RFX3: variants seen among roughly 807,000 people sequenced by gnomAD.
The protein encoded by RFX3 is regulatory factor X3.
RFX3 carries 14 observed loss-of-function variants against 98.6 expected under a neutral mutation model. The observed-to-expected ratio is 0.14, with a 90% CI of 0.09 to 0.22. The LOEUF is 0.22. Ranked by LOEUF, RFX3 falls within the 10% of genes least tolerant of loss-of-function variation. The pLI is 1.00. For synonymous variants in RFX3, 383 were observed against 328.4 expected, an observed-to-expected ratio of 1.17 and a Z score of -1.80; for missense variants, 639 against 926.9, an observed-to-expected ratio of 0.69 and a Z score of 4.03.
At chr9:3,424,422 C>G (rs1372100044) in intron 1 of RFX3, among the ~76,000 whole-genome samples, 1 of 121,780 alleles carries the variant, frequency 8.2e-6, no homozygotes, top group African/African-American at 3.2e-5. Flanking sequence ...AGTGCAGTGG[C>G]GCGATCTCGA....
intron 7 of RFX3, among the ~76,000 whole-genome samples, chr9:3,287,594 T>C (rs1826794533): frequency 6.6e-6 from 1 of 151,962 alleles, no homozygotes; most frequent in African/African-American, 2.4e-5. Context: ...TATGATTCTA[T>C]TCATCCGTCC....
chr9:3,504,900 T>TAA (rs1564185518), intron 1 of RFX3, among the ~76,000 whole-genome samples: 1 of 62,726 alleles, frequency 1.6e-5, no homozygotes, highest in African/African-American at 9.3e-5. Flanking sequence ...ATAACATATA[T>TAA]TATATATATA....
intron 4 of RFX3, among the ~76,000 whole-genome samples, chr9:3,312,922 G>C (rs1469946913): frequency 6.6e-6 from 1 of 152,252 alleles, no homozygotes; most frequent in East Asian, 1.9e-4. Context: ...TGCCTCTGTA[G>C]ACTCCACTTC....
Position 3,241,417 on chromosome 9 carries a change from G to A in RFX3, c.1968+6615C>T, listed in dbSNP as rs368152698. On this transcript the variant is annotated intron_variant, in intron 15 of 16. Coordinates refer to ENST00000617270, the MANE Select transcript of RFX3 (RefSeq NM_001282116.2). ...ATTCCCTGAAGAGGATGAGAGGAGAGGTTATAGCCCAGAGCCAGCAGGGAA... is the reference window on the plus strand; with the variant it reads ...ATTCCCTGAAGAGGATGAGAGGAGAAGTTATAGCCCAGAGCCAGCAGGGAA... 3.3e-5 allele frequency among the ~76,000 whole-genome samples: 5 copies of A among 152,126 alleles called. No individual in the cohort carries two copies. In the East Asian group the frequency reaches 7.9e-4, roughly 24 times the overall value.
At chr9:3,342,307 C>A (rs1326737362) in intron 3 of RFX3, among the ~76,000 whole-genome samples, 2 of 152,170 alleles carry the variant, frequency 1.3e-5, no homozygotes, top group African/African-American at 4.8e-5. Flanking sequence ...TCAAGAGAAA[C>A]TGAATCACAC....
At chr9:3,415,036 TTA>T (rs1223516685) in intron 1 of RFX3, among the ~76,000 whole-genome samples, 3 of 125,930 alleles carry the variant, frequency 2.4e-5, no homozygotes, top group Non-Finnish European at 3.3e-5. Flanking sequence ...ATATTTACTT[TTA>T]TATATATACT....
intron 15 of RFX3, chr9:3,247,666 A>G: frequency 6.9e-7 from 1 of 1,441,312 alleles, no homozygotes; most frequent in Non-Finnish European, 9.1e-7. Flanking sequence ...CAAAATACAT[A>G]TTTAATCCTT....
intron 2 of RFX3, among the ~76,000 whole-genome samples, chr9:3,393,953 C>T (rs1322920378): frequency 1.3e-5 from 2 of 152,070 alleles, no homozygotes; most frequent in Admixed American, 1.3e-4. Context: ...TAAAGCAAAC[C>T]TGCATATGTA....
chr9:3,389,964 GA>G (rs1406146180), intron 2 of RFX3, among the ~76,000 whole-genome samples: 1 of 152,056 alleles, frequency 6.6e-6, no homozygotes, highest in African/African-American at 2.4e-5. Flanking sequence ...GTGACAAATG[GA>G]TACTTGAGGT....
At chr9:3,343,163 C>A (rs530526469) in intron 3 of RFX3, among the ~76,000 whole-genome samples, 12 of 152,302 alleles carry the variant, frequency 7.9e-5, no homozygotes, top group East Asian at 5.8e-4. Flanking sequence ...GAGCTGTCAT[C>A]ACTTCTTGAG....
intron 10 of RFX3, 28 bp downstream of exon 10, chr9:3,270,975 A>C: frequency 6.2e-7 from 1 of 1,613,612 alleles, no homozygotes; most frequent in East Asian, 2.2e-5. Context: ...AGCCATGAAA[A>C]TGAATTGGAA....
intron 1 of RFX3, among the ~76,000 whole-genome samples, chr9:3,507,485 T>C (rs1233775699): frequency 1.3e-5 from 2 of 151,904 alleles, no homozygotes; most frequent in East Asian, 3.9e-4. Flanking sequence ...AGAATTTAAG[T>C]AATCTGCCTA....
chr9:3,420,662 A>G (rs1843366753), intron 1 of RFX3: 2 of 378,214 alleles, frequency 5.3e-6, no homozygotes, highest in Admixed American at 1.3e-4. Flanking sequence ...CCACATAGAT[A>G]AAAGAAGAGG....
intron 2 of RFX3, among the ~76,000 whole-genome samples, chr9:3,349,683 T>C (rs1409259942): frequency 6.6e-6 from 1 of 152,102 alleles, no homozygotes; most frequent in African/African-American, 2.4e-5. Flanking sequence ...CAAATGTATA[T>C]GAATGTGTAT....
intron 2 of RFX3, chr9:3,364,407 C>A: frequency 4.3e-6 from 1 of 231,196 alleles, no homozygotes; most frequent in South Asian, 6.0e-5. Context: ...AATGGGCGGT[C>A]TTTTTCTTCA....
At chr9:3,427,803 C>G (rs1219756099) in intron 1 of RFX3, among the ~76,000 whole-genome samples, 1 of 152,072 alleles carries the variant, frequency 6.6e-6, no homozygotes, top group South Asian at 2.1e-4. Flanking sequence ...GCCATATGTG[C>G]AGTTCATCAC....
chr9:3,517,865 G>A (rs780354578), intron 1 of RFX3, among the ~76,000 whole-genome samples: 2 of 152,180 alleles, frequency 1.3e-5, no homozygotes, highest in East Asian at 3.8e-4. Flanking sequence ...GAAATGGTAA[G>A]AATAACCATA....
chr9:3,469,914 G>A (rs74650838), intron 1 of RFX3, among the ~76,000 whole-genome samples: 10 of 151,288 alleles, frequency 6.6e-5, no homozygotes, highest in Non-Finnish European at 1.0e-4. Context: ...AAGCCTTTTC[G>A]AAGTACACCT....
chr9:3,228,897 A>G lies in RFX3; in HGVS notation c.1969-8T>C. On this transcript the variant is annotated splice_polypyrimidine_tract_variant and splice_region_variant and intron_variant, in intron 15 of 16. Coordinates refer to ENST00000617270, the MANE Select transcript of RFX3 (RefSeq NM_001282116.2). ...GGCATTTAAATCACCAAACTGCAAA[A>G]CAATAGTCATTTGTGCAATAGTTAA... 1 of 1,610,390 alleles carries G rather than the reference A, an allele frequency of 6.2e-7. No individual in the cohort carries two copies. The highest frequency in any genetic ancestry group is 8.5e-7 in the Non-Finnish European group (1 of 1,178,352).
Sources: allele counts gnomAD v4.1 joint callset (sites outside exome capture counted in the v4.1 genomes callset), GRCh38; gene constraint gnomAD v4.1.1; transcripts MANE v1.5; gene names NCBI Gene and HGNC (gene_info 2026-07-23, HGNC 2026-07-21).